POU6F2: variants seen among roughly 807,000 people sequenced by gnomAD.
The protein encoded by POU6F2 is POU domain, class 6, transcription factor 2.
Under a neutral mutation model 71.3 loss-of-function variants are expected in POU6F2, and 31 were observed. That is an observed-to-expected ratio of 0.43 (90% CI 0.33 to 0.59). The LOEUF (loss-of-function observed/expected upper bound fraction) is 0.59. Ranked by LOEUF, POU6F2 falls within the 20% of genes least tolerant of loss-of-function variation. The probability of loss-of-function intolerance (pLI) is 0.04; values close to 1 mark genes in which losing one functional copy is unlikely to be tolerated. For missense variants in POU6F2, 783 were observed against 856.8 expected (o/e 0.91, Z 1.07); for synonymous variants, 347 against 355.7 (o/e 0.98, Z 0.27).
intron 4 of POU6F2, among the ~76,000 whole-genome samples, chr7:39,227,785 C>T (rs573792580): frequency 6.6e-6 from 1 of 152,198 alleles, no homozygotes; most frequent in South Asian, 2.1e-4. Flanking sequence ...TCTCGATCTT[C>T]TGACCTCATG....
intron 1 of POU6F2, among the ~76,000 whole-genome samples, chr7:39,007,889 G>C (rs1004745886): frequency 6.6e-6 from 1 of 151,572 alleles, no homozygotes; most frequent in East Asian, 1.9e-4. Flanking sequence ...GTATTCCATC[G>C]TGTATATGTG....
intron 1 of POU6F2, among the ~76,000 whole-genome samples, chr7:39,073,885 A>G (rs1790941126): frequency 6.6e-6 from 1 of 152,196 alleles, no homozygotes; most frequent in African/African-American, 2.4e-5. Flanking sequence ...TTATTTAGAG[A>G]ATGTGGAGTT....
At chr7:39,190,505 G>A (rs1793641142) in intron 2 of POU6F2, among the ~76,000 whole-genome samples, 1 of 146,952 alleles carries the variant, frequency 6.8e-6, no homozygotes, top group African/African-American at 2.5e-5. Flanking sequence ...AATATCATAG[G>A]TTTGTTATGA....
chr7:39,271,944 G>A (rs1784347340), intron 4 of POU6F2, among the ~76,000 whole-genome samples: 1 of 152,040 alleles, frequency 6.6e-6, no homozygotes, highest in African/African-American at 2.4e-5. Context: ...TGGGTTCCAT[G>A]GGATCCATAC....
chr7:39,406,894 G>A, intron 6 of POU6F2, 154 bp downstream of exon 6: 1 of 1,150,516 alleles, frequency 8.7e-7, no homozygotes, highest in Non-Finnish European at 1.3e-6. Flanking sequence ...AGAAGGGTTG[G>A]GAGGTGTTTC....
chr7:39,059,310 T>C (rs1487518266), intron 1 of POU6F2, among the ~76,000 whole-genome samples: 2 of 152,052 alleles, frequency 1.3e-5, no homozygotes, highest in African/African-American at 4.8e-5. Context: ...TAAATGTATA[T>C]ATACTTCTAG....
chr7:39,098,930 A>G (rs1439931800), intron 2 of POU6F2, among the ~76,000 whole-genome samples: 1 of 152,222 alleles, frequency 6.6e-6, no homozygotes, highest in Non-Finnish European at 1.5e-5. Context: ...GGAAGTAACC[A>G]TGCTTCTCCA....
rs1461876192 is a variant in POU6F2, at chr7:39,150,489, C to CA, written c.278-53745dup. ...TTTTTTTTTTTTTTTTTTTTTGAGA[C>CA]AGAGTCTCACTCTGTTTCCCAGGCT... On this transcript the variant is annotated intron_variant, in intron 2 of 9. Transcript: ENST00000518318. Among the ~76,000 whole-genome samples the CA allele has an allele frequency of 5.4e-5, 6 of 110,322 alleles. No homozygotes were observed. The East Asian group carries it at 1.7e-3, about 32-fold the overall frequency. The allele number at this position is 110,322 out of a possible 152,430, so 72.4% of individuals were successfully genotyped here.
intron 1 of POU6F2, among the ~76,000 whole-genome samples, chr7:39,044,989 T>C (rs1000742439): frequency 6.6e-6 from 1 of 151,924 alleles, no homozygotes; most frequent in Non-Finnish European, 1.5e-5. Flanking sequence ...GCAAATCTTA[T>C]TTGATCAATT....
At chr7:39,286,570 G>T (rs563958282) in intron 4 of POU6F2, among the ~76,000 whole-genome samples, 1 of 152,184 alleles carries the variant, frequency 6.6e-6, no homozygotes, top group African/African-American at 2.4e-5. Context: ...AACATTCCTG[G>T]TGATGGGGAG....
intron 1 of POU6F2, among the ~76,000 whole-genome samples, chr7:39,036,617 AGTTT>A (rs1790070885): frequency 6.6e-6 from 1 of 152,106 alleles, no homozygotes; most frequent in African/African-American, 2.4e-5. Flanking sequence ...TTTCAGAATA[AGTTT>A]GTTTGTGAAA....
chr7:39,306,107 A>G (rs1233074891), intron 4 of POU6F2, among the ~76,000 whole-genome samples: 1 of 152,206 alleles, frequency 6.6e-6, no homozygotes, highest in Non-Finnish European at 1.5e-5. Context: ...AAAATTTCCC[A>G]GCTTCTAATA....
intron 4 of POU6F2, among the ~76,000 whole-genome samples, chr7:39,246,020 T>C (rs1783812608): frequency 6.6e-6 from 1 of 152,210 alleles, no homozygotes; most frequent in East Asian, 1.9e-4. Flanking sequence ...GGGAGCCATA[T>C]ATCAGGAAGT....
chr7:39,372,800 T>C (rs1786640601), intron 5 of POU6F2, among the ~76,000 whole-genome samples: 1 of 152,182 alleles, frequency 6.6e-6, no homozygotes, highest in African/African-American at 2.4e-5. Context: ...TGTTCATCGA[T>C]AAAAATCATT....
chr7:39,243,818 G>A (rs1212225479), intron 4 of POU6F2, among the ~76,000 whole-genome samples: 2 of 152,054 alleles, frequency 1.3e-5, no homozygotes, highest in Non-Finnish European at 2.9e-5. Context: ...CTCTTGGTCA[G>A]TTGGAAAACT....
At chr7:39,385,785 G>A (rs1208981755) in intron 5 of POU6F2, among the ~76,000 whole-genome samples, 2 of 152,116 alleles carry the variant, frequency 1.3e-5, no homozygotes, top group African/African-American at 4.8e-5. Context: ...GGTCTCAGCT[G>A]CAGAGTCTTC....
At chr7:39,381,449 C>G (rs947116969) in intron 5 of POU6F2, among the ~76,000 whole-genome samples, 3 of 152,112 alleles carry the variant, frequency 2.0e-5, no homozygotes, top group African/African-American at 7.2e-5. Flanking sequence ...ACCACGTTGC[C>G]CAGGCTGGTG....
chr7:39,347,628 CTATTAT>C (rs5883686), intron 5 of POU6F2, among the ~76,000 whole-genome samples: 3 of 140,398 alleles, frequency 2.1e-5, no homozygotes, highest in Non-Finnish European at 1.6e-5. Flanking sequence ...ATTATTATTA[CTATTAT>C]TATTATTATT....
intron 2 of POU6F2, among the ~76,000 whole-genome samples, chr7:39,101,150 T>C (rs1050046331): frequency 5.9e-5 from 9 of 151,404 alleles, no homozygotes; most frequent in Non-Finnish European, 1.2e-4. Context: ...CTTGGTTCAC[T>C]GCAGCCTCCA....
Sources: gnomAD v4.1 joint callset for allele counts (sites outside exome capture counted in the v4.1 genomes callset) on GRCh38, gnomAD v4.1.1 for gene constraint, MANE v1.5 for transcripts, NCBI Gene and HGNC (gene_info 2026-07-23, HGNC 2026-07-21) for gene names.